The following ATP10D variants were observed in gnomAD, a reference collection of about 807,000 sequenced individuals.
The protein encoded by ATP10D is phospholipid-transporting ATPase VD.
ATP10D carries 89 observed loss-of-function variants against 144.8 expected under a neutral mutation model. The ratio of observed to expected loss-of-function variants is 0.61; its 90% CI spans 0.52 to 0.73. The LOEUF (loss-of-function observed/expected upper bound fraction) is 0.73. Ranked by LOEUF, ATP10D falls within the 30% of genes least tolerant of loss-of-function variation. The pLI is 0.00. For synonymous variants in ATP10D, 571 were observed against 615.1 expected, an observed-to-expected ratio of 0.93 and a Z score of 1.06; for missense variants, 1,603 against 1,714.8, an observed-to-expected ratio of 0.93 and a Z score of 1.15.
Position 47,536,941 on chromosome 4 carries a change from G to T in ATP10D, c.1396+3G>T. 6.2e-7 allele frequency: 1 copy of T among 1,603,730 alleles called. No homozygotes were observed. ...TGATTACTGCCATGAAGAAAATGGT[G>T]AGTGTTGGATTTCCGTGAAAACCAA... On this transcript the variant is annotated splice_donor_region_variant and intron_variant, in intron 9 of 22. Coordinates refer to ENST00000273859, the MANE Select transcript of ATP10D (RefSeq NM_020453.4).
At chr4:47,524,663 G>A (rs1027106727) in intron 4 of ATP10D, among the ~76,000 whole-genome samples, 1 of 152,162 alleles carries the variant, frequency 6.6e-6, no homozygotes, top group African/African-American at 2.4e-5. Flanking sequence ...TTCTTGTTTT[G>A]AGAACTTTGG....
intron 1 of ATP10D, among the ~76,000 whole-genome samples, chr4:47,495,332 G>GA (rs1213426360): frequency 2.0e-5 from 3 of 151,046 alleles, no homozygotes; most frequent in African/African-American, 7.3e-5. Context: ...AAAAAGGAAA[G>GA]AAAAAAAAGA....
At chr4:47,535,856 T>G (rs1441102867) in intron 6 of ATP10D, 46 bp from the exon 7 acceptor site, 13 of 1,577,844 alleles carry the variant, frequency 8.2e-6, no homozygotes, top group Non-Finnish European at 1.1e-5. Flanking sequence ...ATTCGCTTCT[T>G]GGCTTTAATT....
At chr4:47,536,160 T>C (rs950802465) in intron 7 of ATP10D, 127 bp downstream of exon 7, 1 of 1,166,100 alleles carries the variant, frequency 8.6e-7, no homozygotes, top group Non-Finnish European at 1.2e-6. Context: ...TTACCTCATA[T>C]CCTTGTCTCT....
chr4:47,572,329 T>G, intron 17 of ATP10D, 99 bp downstream of exon 17: 1 of 1,079,658 alleles, frequency 9.3e-7, no homozygotes, highest in Non-Finnish European at 1.4e-6. Flanking sequence ...TGAGGCTGTG[T>G]GTGGCTAGCT....
chr4:47,506,328 G>A (rs1249048628), intron 1 of ATP10D, among the ~76,000 whole-genome samples: 2 of 151,974 alleles, frequency 1.3e-5, no homozygotes, highest in Non-Finnish European at 2.9e-5. Flanking sequence ...TAAATGGCAT[G>A]TGGAAGTATT....
chr4:47,520,111 T>TCTTGCATTCTTGCAAA (rs1296878109), intron 3 of ATP10D, among the ~76,000 whole-genome samples: 1 of 152,192 alleles, frequency 6.6e-6, no homozygotes, highest in Admixed American at 6.5e-5. Context: ...CTTCTTATAT[T>TCTTGCATTCTTGCAAA]TGCAAGAATA....
intron 1 of ATP10D, among the ~76,000 whole-genome samples, chr4:47,507,755 A>G (rs1716098452): frequency 6.6e-6 from 1 of 152,218 alleles, no homozygotes; most frequent in Non-Finnish European, 1.5e-5. Flanking sequence ...CACTATGGCA[A>G]GTGCATATGA....
chr4:47,547,595 G>A (rs1718506941), intron 10 of ATP10D: 1 of 152,158 alleles, frequency 6.6e-6, no homozygotes, highest in Non-Finnish European at 1.5e-5. Context: ...ATTAAGTCTT[G>A]TGTTTTACCA....
At chr4:47,546,555 CT>C (rs1164979396) in intron 9 of ATP10D, 68 bp from the exon 10 acceptor site, 2 of 1,383,430 alleles carry the variant, frequency 1.4e-6, no homozygotes, top group Non-Finnish European at 2.0e-6. Context: ...GCTTAAGTAA[CT>C]GCCTGATATA....
At position 47,568,692 on chromosome 4, in the gene ATP10D, C is replaced by T. The variant is rs554772754; in HGVS notation, c.2854-145C>T. ...TACACACAGAACTCTCTGTGGAAGA[C>T]TCGTAAAATCTTTGAAAATAATCAG... On this transcript the variant is annotated intron_variant, in intron 15 of 22. Coordinates refer to ENST00000273859, the MANE Select transcript of ATP10D (RefSeq NM_020453.4). 4 of 704,894 alleles carry T rather than the reference C, an allele frequency of 5.7e-6. No homozygotes were observed. The East Asian group carries it at 1.1e-4, about 19-fold the overall frequency. 43.7% of individuals were successfully genotyped at this position (704,894 alleles called of 1,614,324 possible). A position where few individuals can be genotyped will look rare whatever the true frequency, so the allele number is the denominator to read the frequency against.
rs1227390705 is a variant in ATP10D at position 47,491,353 on chromosome 4, GTC to G, written c.-38+5838_-38+5839del. On this transcript the variant is annotated intron_variant, in intron 1 of 22. Transcript: ENST00000273859. ...ATTCCCTTGAAATCTCCAATATCAC[GTC>G]TCTTATAGATTCACAGGTATGTGGC... 5 of 754,540 alleles carry G rather than the reference GTC, an allele frequency of 6.6e-6. No homozygotes were observed. In the East Asian group the frequency reaches 1.0e-4, roughly 15 times the overall value. The allele number at this position is 754,540 out of a possible 1,614,324, so 46.7% of individuals were successfully genotyped here. A position where few individuals can be genotyped will look rare whatever the true frequency, so the allele number is the denominator to read the frequency against.
intron 5 of ATP10D, among the ~76,000 whole-genome samples, chr4:47,526,330 A>G (rs532923061): frequency 6.6e-6 from 1 of 152,332 alleles, no homozygotes; most frequent in East Asian, 1.9e-4. Context: ...AAAGGGAAAA[A>G]CTAGGTGGTC....
chr4:47,527,065 G>T (rs184945266), intron 5 of ATP10D, among the ~76,000 whole-genome samples: 105 of 152,224 alleles, frequency 6.9e-4, no homozygotes, highest in African/African-American at 2.4e-3. Context: ...TATCAGAAAG[G>T]TATAATAATC....
intron 14 of ATP10D, among the ~76,000 whole-genome samples, chr4:47,563,337 T>C (rs116634452): frequency 0.018 from 2,746 of 152,304 alleles, 34 homozygotes; most frequent in Non-Finnish European, 0.028. Flanking sequence ...ATAAGAAATC[T>C]AGCCAAAAGG....
chr4:47,569,295 A>G, intron 16 of ATP10D, 149 bp downstream of exon 16: 1 of 907,744 alleles, frequency 1.1e-6, no homozygotes, highest in Non-Finnish European at 1.6e-6. Context: ...CACCTATTTG[A>G]GCACCTTCCT....
chr4:47,591,029 C>T lies in ATP10D; in HGVS notation c.3942-13C>T. ...AGATGAATTTAATTCTAATGATGTT[C>T]CTTGTCACCTAGGTTTGTATACAGA... On this transcript the variant is annotated splice_polypyrimidine_tract_variant and intron_variant, in intron 22 of 22. Transcript: ENST00000273859. 2.0e-6 allele frequency: 3 copies of T among 1,510,060 alleles called. No individual in the cohort carries two copies. The highest frequency in any genetic ancestry group is 2.7e-6 in the Non-Finnish European group (3 of 1,117,530). The allele number at this position is 1,510,060 out of a possible 1,614,324, so 93.5% of individuals were successfully genotyped here.
chr4:47,490,025 A>G (rs1714990463), intron 1 of ATP10D, among the ~76,000 whole-genome samples: 1 of 152,226 alleles, frequency 6.6e-6, no homozygotes, highest in Non-Finnish European at 1.5e-5. Context: ...AATACAAATC[A>G]TAATTTTCTT....
intron 9 of ATP10D, among the ~76,000 whole-genome samples, chr4:47,544,866 A>ACCTATTGTC (rs1216208610): frequency 1.3e-5 from 2 of 152,228 alleles, no homozygotes; most frequent in Non-Finnish European, 2.9e-5. Flanking sequence ...CTATTTATCG[A>ACCTATTGTC]TGGTCTATAT....
Sources: gnomAD v4.1 joint callset for allele counts (sites outside exome capture counted in the v4.1 genomes callset) on GRCh38, gnomAD v4.1.1 for gene constraint, MANE v1.5 for transcripts, NCBI Gene and HGNC (gene_info 2026-07-23, HGNC 2026-07-21) for gene names.